Variants in CACNB2 observed in about 807,000 individuals in gnomAD.
CACNB2 encodes the protein calcium voltage-gated channel auxiliary subunit beta 2.
CACNB2 carries 42 observed loss-of-function variants against 73.3 expected under a neutral mutation model. The ratio of observed to expected loss-of-function variants is 0.57; its 90% CI spans 0.45 to 0.74. The LOEUF (loss-of-function observed/expected upper bound fraction) is 0.74. CACNB2 is among the 30% of genes least tolerant of loss of function. The probability of loss-of-function intolerance (pLI) is 0.00; values close to 1 mark genes in which losing one functional copy is unlikely to be tolerated. For synonymous variants in CACNB2, 348 were observed against 310.3 expected, an observed-to-expected ratio of 1.12 and a Z score of -1.28; for missense variants, 940 against 853.0, an observed-to-expected ratio of 1.10 and a Z score of -1.27.
intron 2 of CACNB2, among the ~76,000 whole-genome samples, chr10:18,367,816 T>G (rs2042418169): frequency 6.6e-6 from 1 of 152,220 alleles, no homozygotes; most frequent in South Asian, 2.1e-4. Flanking sequence ...TTTGAAATAG[T>G]ATATAATTCA....
intron 2 of CACNB2, among the ~76,000 whole-genome samples, chr10:18,269,336 C>G (rs550237931): frequency 1.3e-5 from 2 of 152,294 alleles, no homozygotes; most frequent in African/African-American, 4.8e-5. Flanking sequence ...GTCTAAAACA[C>G]TTTTCCCTTC....
chr10:18,150,584 A>G (rs2031426272), intron 1 of CACNB2, among the ~76,000 whole-genome samples: 1 of 152,146 alleles, frequency 6.6e-6, no homozygotes, highest in South Asian at 2.1e-4. Flanking sequence ...AATCACTTGA[A>G]CCTGGGAGGC....
At chr10:18,216,472 G>A (rs190434462) in intron 2 of CACNB2, among the ~76,000 whole-genome samples, 1 of 152,104 alleles carries the variant, frequency 6.6e-6, no homozygotes, top group African/African-American at 2.4e-5. Flanking sequence ...ATTATGAGTG[G>A]ACATATCCCA....
At chr10:18,253,336 G>C (rs1264769880) in intron 2 of CACNB2, among the ~76,000 whole-genome samples, 3 of 152,152 alleles carry the variant, frequency 2.0e-5, no homozygotes, top group Admixed American at 6.5e-5. Context: ...TTTATGACAA[G>C]TATGAATTTT....
At chr10:18,373,513 G>A (rs1156914203) in intron 2 of CACNB2, among the ~76,000 whole-genome samples, 1 of 152,114 alleles carries the variant, frequency 6.6e-6, no homozygotes, top group Non-Finnish European at 1.5e-5. Context: ...AGGAATTCGA[G>A]GCTTAATGAG....
At position 18,541,032 on chromosome 10, in the gene CACNB2, A is replaced by G. The variant is rs1265570802; in HGVS notation, c.*1308A>G. On this transcript the variant is annotated 3_prime_UTR_variant, in exon 14 of 14. Coordinates refer to ENST00000324631, the MANE Select transcript of CACNB2 (RefSeq NM_201596.3). Reference sequence around the variant, plus strand: ...GAAATGTACAATCTTTGTGTGTTAGAGTATTTGTTTTAGTAAGAAATGTTT... The same window carrying G: ...GAAATGTACAATCTTTGTGTGTTAGGGTATTTGTTTTAGTAAGAAATGTTT... 9.2e-6 allele frequency: 1 copy of G among 108,422 alleles called. No homozygotes were observed. Among genetic ancestry groups the G allele is most frequent in the Non-Finnish European group, 2.0e-5 (1 of 50,730 alleles). The allele number at this position is 108,422 out of a possible 1,614,324, so 6.7% of individuals were successfully genotyped here. A position where few individuals can be genotyped will look rare whatever the true frequency, so the allele number is the denominator to read the frequency against.
intron 2 of CACNB2, among the ~76,000 whole-genome samples, chr10:18,190,269 G>A (rs11593318): frequency 0.12 from 18,321 of 152,146 alleles, 1,170 homozygotes; most frequent in South Asian, 0.15. Flanking sequence ...AATAACGTAG[G>A]TTTTCTCAGA....
chr10:18,303,834 A>G (rs1190981879), intron 2 of CACNB2, among the ~76,000 whole-genome samples: 1 of 152,122 alleles, frequency 6.6e-6, no homozygotes, highest in Non-Finnish European at 1.5e-5. Flanking sequence ...AACCTGTCCT[A>G]CCCACCTCAG....
Position 18,261,989 on chromosome 10 carries a change from C to T in CACNB2, c.213+111014C>T, listed in dbSNP as rs183181182. 7.7e-6 allele frequency: 4 copies of T among 518,948 alleles called. No homozygotes were observed. The Admixed American group carries it at 7.8e-5, about 10-fold the overall frequency. The allele number at this position is 518,948 out of a possible 1,614,324, so 32.1% of individuals were successfully genotyped here. A position where few individuals can be genotyped will look rare whatever the true frequency, so the allele number is the denominator to read the frequency against. The stretch of plus-strand genomic sequence containing the variant: ...TATGCTGTGCCTTACACTAGCCGAC[C>T]AGCTCCGAGCAAGCGCTGGCTTGAT... On this transcript the variant is annotated intron_variant, in intron 2 of 13. Coordinates refer to ENST00000324631, the MANE Select transcript of CACNB2 (RefSeq NM_201596.3).
rs542768440 is a variant in CACNB2, at chr10:18,464,482, A to G, written c.334-33873A>G. On this transcript the variant is annotated intron_variant, in intron 3 of 13. Coordinates refer to ENST00000324631, the MANE Select transcript of CACNB2 (RefSeq NM_201596.3). ...TCTTTACTTCTCACTCTTAGATTCA[A>G]TTTTTATTTCCAAGCTTCCCCACTT... Among the ~76,000 whole-genome samples the G allele has an allele frequency of 1.3e-4, 20 of 148,850 alleles. No homozygotes were observed. In the East Asian group the frequency reaches 3.8e-3, roughly 28 times the overall value.
At chr10:18,272,330 A>T (rs1405115233) in intron 2 of CACNB2, among the ~76,000 whole-genome samples, 1 of 152,170 alleles carries the variant, frequency 6.6e-6, no homozygotes, top group Non-Finnish European at 1.5e-5. Context: ...AAAAGAATCT[A>T]CTTGGAAGAT....
intron 2 of CACNB2, among the ~76,000 whole-genome samples, chr10:18,227,026 G>C (rs1294227987): frequency 6.6e-6 from 1 of 152,114 alleles, no homozygotes; most frequent in Non-Finnish European, 1.5e-5. Context: ...TAGCTCTGAG[G>C]ATGACATTAG....
chr10:18,381,688 CAA>C (rs200757952), intron 2 of CACNB2, among the ~76,000 whole-genome samples: 5,761 of 78,376 alleles, frequency 0.074, 118 homozygotes, highest in African/African-American at 0.13. Flanking sequence ...GACTCCGTCT[CAA>C]AAAAAAAAAA....
At chr10:18,224,804 T>C (rs1779212) in intron 2 of CACNB2, among the ~76,000 whole-genome samples, 130,583 of 152,242 alleles carry the variant, frequency 0.86, 56,503 homozygotes, top group African/African-American at 0.97. Context: ...ATCGAAGTCA[T>C]GCCATCTCCA....
chr10:18,228,996 C>A (rs1268243961), intron 2 of CACNB2, among the ~76,000 whole-genome samples: 2 of 152,184 alleles, frequency 1.3e-5, no homozygotes, highest in East Asian at 3.9e-4. Flanking sequence ...CCTGCCTCAG[C>A]CTCACAAAGT....
chr10:18,488,474 CAAAAAAAA>C (rs59931967), intron 3 of CACNB2, among the ~76,000 whole-genome samples: 58 of 67,968 alleles, frequency 8.5e-4, no homozygotes, highest in African/African-American at 2.7e-3. Context: ...GACTCCATCT[CAAAAAAAA>C]AAAAAAAAAA....
intron 3 of CACNB2, among the ~76,000 whole-genome samples, chr10:18,464,418 TAAAA>T (rs762982462): frequency 2.7e-4 from 23 of 85,306 alleles, no homozygotes; most frequent in East Asian, 8.1e-4. Context: ...TCTCAAAAAT[TAAAA>T]AAAAAAAAAA....
intron 2 of CACNB2, among the ~76,000 whole-genome samples, chr10:18,228,440 A>G (rs12261789): frequency 6.9e-6 from 1 of 145,562 alleles, no homozygotes; most frequent in African/African-American, 2.7e-5. Context: ...CCTCAAAAAA[A>G]AAAAAAAAAG....
At chr10:18,503,899 T>A (rs1167471590) in intron 5 of CACNB2, among the ~76,000 whole-genome samples, 1 of 152,218 alleles carries the variant, frequency 6.6e-6, no homozygotes, top group Non-Finnish European at 1.5e-5. Context: ...GGAATTTTTT[T>A]AAGTATAGTA....
Sources: allele counts gnomAD v4.1 joint callset (sites outside exome capture counted in the v4.1 genomes callset), GRCh38; gene constraint gnomAD v4.1.1; transcripts MANE v1.5; gene names NCBI Gene and HGNC (gene_info 2026-07-23, HGNC 2026-07-21).